The following LARP1B variants were observed in gnomAD, a reference collection of about 807,000 sequenced individuals.
The protein encoded by LARP1B is la-related protein 1B.
A neutral mutation model predicts 114.2 loss-of-function variants in LARP1B; 76 were observed. The observed-to-expected ratio is 0.67, with a 90% CI of 0.55 to 0.81. The LOEUF (loss-of-function observed/expected upper bound fraction) is 0.81. LARP1B is among the 30% of genes least tolerant of loss of function. The pLI, the probability that LARP1B is intolerant of heterozygous loss-of-function variation, is 0.00. For synonymous variants in LARP1B, 345 were observed against 348.0 expected (o/e 0.99, Z 0.10); for missense variants, 1,014 against 1,075.8 (o/e 0.94, Z 0.80).
At chr4:128,158,996 T>G (rs906231656) in intron 11 of LARP1B, among the ~76,000 whole-genome samples, 3 of 145,966 alleles carry the variant, frequency 2.1e-5, no homozygotes, top group African/African-American at 7.9e-5. Flanking sequence ...ATAGTGAGAC[T>G]TCATCTCTTA....
intron 11 of LARP1B, among the ~76,000 whole-genome samples, chr4:128,147,695 A>G (rs952632135): frequency 3.9e-5 from 6 of 152,232 alleles, no homozygotes; most frequent in African/African-American, 1.2e-4. Context: ...AAAAACTTAT[A>G]AAGTCAATAA....
intron 12 of LARP1B, among the ~76,000 whole-genome samples, chr4:128,174,790 T>TATATTGC (rs1242772917): frequency 3.3e-5 from 5 of 152,146 alleles, no homozygotes; most frequent in Admixed American, 3.3e-4. Context: ...TACTTCACTA[T>TATATTGC]ATATTGCAAA....
At chr4:128,149,018 C>G (rs929976625) in intron 11 of LARP1B, among the ~76,000 whole-genome samples, 1 of 152,184 alleles carries the variant, frequency 6.6e-6, no homozygotes, top group Non-Finnish European at 1.5e-5. Context: ...TATGGTAAAA[C>G]TATACTTGTT....
At chr4:128,087,912 A>G (rs957924484) in intron 5 of LARP1B, among the ~76,000 whole-genome samples, 1 of 151,974 alleles carries the variant, frequency 6.6e-6, no homozygotes, top group African/African-American at 2.4e-5. Context: ...CTTTTTTTCT[A>G]TTGTTTTTCA....
intron 11 of LARP1B, among the ~76,000 whole-genome samples, chr4:128,150,211 G>T (rs555889681): frequency 6.6e-6 from 1 of 151,608 alleles, no homozygotes; most frequent in African/African-American, 2.4e-5. Context: ...TTTCACTGAA[G>T]AAGCCAAGAA....
intron 15 of LARP1B, among the ~76,000 whole-genome samples, chr4:128,191,646 T>A (rs996347934): frequency 6.6e-6 from 1 of 152,196 alleles, no homozygotes; most frequent in African/African-American, 2.4e-5. Context: ...GTGGTCCTGC[T>A]GAACAGCCAC....
chr4:128,124,726 G>T (rs909586359), intron 11 of LARP1B, among the ~76,000 whole-genome samples: 2 of 152,222 alleles, frequency 1.3e-5, no homozygotes, highest in Admixed American at 6.5e-5. Flanking sequence ...TGAATTGGTC[G>T]GCCAAGACAA....
chr4:128,114,031 T>A (rs1487317958), intron 9 of LARP1B, among the ~76,000 whole-genome samples: 1 of 152,160 alleles, frequency 6.6e-6, no homozygotes, highest in Non-Finnish European at 1.5e-5. Flanking sequence ...AGTATTTCAG[T>A]ATGAGCCAAA....
intron 9 of LARP1B, among the ~76,000 whole-genome samples, chr4:128,112,995 G>C (rs1421860848): frequency 6.6e-6 from 1 of 152,100 alleles, no homozygotes; most frequent in Admixed American, 6.6e-5. Context: ...CTTGAAATGT[G>C]CCTTTCATTT....
intron 11 of LARP1B, among the ~76,000 whole-genome samples, chr4:128,159,695 T>C (rs1420743367): frequency 6.6e-6 from 1 of 152,164 alleles, no homozygotes; most frequent in African/African-American, 2.4e-5. Flanking sequence ...ATGGCTAAAT[T>C]TTGAGACTGA....
At position 128,073,572 on chromosome 4, in the gene LARP1B, G is replaced by GT. The variant is rs568197117; in HGVS notation, c.-77-851dup. The stretch of plus-strand genomic sequence containing the variant: ...AATTTTCTCCTGTTATATTGTTGTC[G>GT]TTTTTTTTTTTTTTTTTTTTTTTTT... On this transcript the variant is annotated intron_variant, in intron 1 of 19. Transcript: ENST00000326639. 1.5e-4 allele frequency among the ~76,000 whole-genome samples: 6 copies of GT among 40,004 alleles called. 2 individuals carry two copies. Among genetic ancestry groups the GT allele is most frequent in the Non-Finnish European group, 2.0e-4 (4 of 19,982 alleles). 26.2% of individuals were successfully genotyped at this position (40,004 alleles called of 152,430 possible). A position where few individuals can be genotyped will look rare whatever the true frequency, so the allele number is the denominator to read the frequency against.
At chr4:128,222,511 A>G in exon 8 of LARP1B, 2 of 320,820 alleles carry the variant, frequency 6.2e-6, no homozygotes, top group Non-Finnish European at 6.5e-6. Context: ...CTTACAAACC[A>G]TATTTCTGTT....
At chr4:128,076,502 C>G (rs1288614856) in intron 3 of LARP1B, among the ~76,000 whole-genome samples, 1 of 152,092 alleles carries the variant, frequency 6.6e-6, no homozygotes, top group Non-Finnish European at 1.5e-5. Flanking sequence ...TTTGTCCATT[C>G]ACCTATTGTT....
At chr4:128,070,929 CTTATA>C (rs1765045763) in intron 1 of LARP1B, among the ~76,000 whole-genome samples, 1 of 151,954 alleles carries the variant, frequency 6.6e-6, no homozygotes, top group Non-Finnish European at 1.5e-5. Context: ...ATACATATGT[CTTATA>C]TCCATGTGTG....
At position 128,062,787 on chromosome 4, in the gene LARP1B, A is replaced by G. The variant is rs186981183; in HGVS notation, c.-78+1386A>G. Among the ~76,000 whole-genome samples the G allele has an allele frequency of 4.1e-3, 421 of 102,942 alleles. 3 individuals are homozygous for G. The highest frequency in any genetic ancestry group is 9.0e-3 in the South Asian group (24 of 2,660). The allele number at this position is 102,942 out of a possible 152,430, so 67.5% of individuals were successfully genotyped here. A position where few individuals can be genotyped will look rare whatever the true frequency, so the allele number is the denominator to read the frequency against. On this transcript the variant is annotated intron_variant, in intron 1 of 19. Transcript: ENST00000326639. Reference sequence around the variant, plus strand: ...TGCTTTATGGGGGGAGGGGGGAGGGATAGCATTAGGAGATATACCTAATGT... The same window carrying G: ...TGCTTTATGGGGGGAGGGGGGAGGGGTAGCATTAGGAGATATACCTAATGT...
chr4:128,125,148 C>T (rs1014349235), intron 11 of LARP1B, among the ~76,000 whole-genome samples: 14 of 152,126 alleles, frequency 9.2e-5, no homozygotes, highest in Admixed American at 7.9e-4. Flanking sequence ...TAAAACTATA[C>T]AGAAGTGAAG....
chr4:128,152,039 A>G (rs953876194), intron 11 of LARP1B, among the ~76,000 whole-genome samples: 4 of 152,212 alleles, frequency 2.6e-5, no homozygotes, highest in African/African-American at 9.6e-5. Flanking sequence ...TTATGATGAT[A>G]TCTACCAGAT....
chr4:128,088,729 A>G (rs1430698513), intron 5 of LARP1B, among the ~76,000 whole-genome samples: 1 of 152,208 alleles, frequency 6.6e-6, no homozygotes, highest in African/African-American at 2.4e-5. Context: ...TTTTTAAATG[A>G]TATGTGTTTA....
chr4:128,083,905 C>T (rs1205706837), intron 5 of LARP1B, among the ~76,000 whole-genome samples: 29 of 149,062 alleles, frequency 1.9e-4, no homozygotes, highest in African/African-American at 6.9e-4. Flanking sequence ...ACTTCTCAGA[C>T]GGGGCGGCTG....
Sources: allele counts gnomAD v4.1 joint callset (sites outside exome capture counted in the v4.1 genomes callset), GRCh38; gene constraint gnomAD v4.1.1; transcripts MANE v1.5; gene names NCBI Gene and HGNC (gene_info 2026-07-23, HGNC 2026-07-21).